The following NDUFAF6 variants were observed in gnomAD, a reference collection of about 807,000 sequenced individuals.
The protein encoded by NDUFAF6 is NADH:ubiquinone oxidoreductase complex assembly factor 6, also known as NADH dehydrogenase (ubiquinone) complex I, assembly factor 6.
NDUFAF6 carries 45 observed loss-of-function variants against 40.8 expected under a neutral mutation model. The ratio of observed to expected loss-of-function variants is 1.10; its 90% CI spans 0.87 to 1.42. The LOEUF (loss-of-function observed/expected upper bound fraction) is 1.42, where lower values mean the gene tolerates loss of function less well. Ranked by LOEUF, NDUFAF6 falls within the 40% of genes most tolerant of loss-of-function variation. The probability of loss-of-function intolerance (pLI) is 0.00; values close to 1 mark genes in which losing one functional copy is unlikely to be tolerated. For synonymous variants in NDUFAF6, 185 were observed against 155.9 expected (o/e 1.19, Z -1.39); for missense variants, 435 against 418.5 (o/e 1.04, Z -0.34).
At chr8:95,098,606 G>T (rs1809547779), upstream of NDUFAF6, among the ~76,000 whole-genome samples, 1 of 152,224 alleles carries the variant, frequency 6.6e-6, no homozygotes, top group Admixed American at 6.5e-5. Flanking sequence ...GGAGGCGGAG[G>T]TTGCAGTGAG....
downstream of NDUFAF6, among the ~76,000 whole-genome samples, chr8:95,118,451 C>T (rs2132094455): frequency 6.6e-6 from 1 of 152,258 alleles, no homozygotes; most frequent in Non-Finnish European, 1.5e-5. Flanking sequence ...CTGCACCTAA[C>T]TTACAGCTGA....
At chr8:95,102,972 A>G (rs1172348050) in intron 2 of NDUFAF6, 1 of 152,142 alleles carries the variant, frequency 6.6e-6, no homozygotes, top group African/African-American at 2.4e-5. Context: ...TTTTTTCTCT[A>G]CAGGCTCTAC....
intron 1 of NDUFAF6, among the ~76,000 whole-genome samples, chr8:94,962,080 A>G (rs1016738682): frequency 2.6e-5 from 4 of 152,142 alleles, no homozygotes; most frequent in African/African-American, 7.2e-5. Flanking sequence ...GTTCCGGCCA[A>G]TGAGATGTCA....
intron 2 of NDUFAF6, among the ~76,000 whole-genome samples, chr8:95,085,839 C>T (rs923117959): frequency 6.6e-6 from 1 of 152,214 alleles, no homozygotes; most frequent in African/African-American, 2.4e-5. Flanking sequence ...ATATCTGGTT[C>T]TGCAGGTTCT....
chr8:95,047,039 A>T lies in NDUFAF6; in HGVS notation c.626A>T (p.Lys209Ile). 1 of 1,614,194 alleles carries T rather than the reference A, an allele frequency of 6.2e-7. No individual in the cohort carries two copies. ...HADHAASHIG[K>I]AQGIVTCLRA... ...GATCATGCTGCAAGTCATATTGGAA[A>T]AGCACAAGGCATTGTCACTTGCTTG... Residue 209 changes from lysine (K) to isoleucine (I), a missense_variant, in exon 6 of 9, where the codon AAA becomes ATA. Coordinates refer to ENST00000396124, the MANE Select transcript of NDUFAF6 (RefSeq NM_152416.4).
At chr8:94,975,099 C>A (rs1824811867) in intron 1 of NDUFAF6, among the ~76,000 whole-genome samples, 1 of 152,196 alleles carries the variant, frequency 6.6e-6, no homozygotes, top group South Asian at 2.1e-4. Context: ...TGCCAGTTCC[C>A]ACTGTCTCAT....
rs768139210 is a variant in NDUFAF6, at chr8:94,925,395, T to C, written c.-935-20088T>C. On this transcript the variant is annotated intron_variant, in intron 1 of 14. Transcript: ENST00000396113. ...CTCCATTCATTTGGGAGAAGATCCA[T>C]TGGGAATTCATCCACCTGGCTTCAA... Among the ~76,000 whole-genome samples, 3 of 152,192 alleles carry C rather than the reference T, an allele frequency of 2.0e-5. 1 individual carries two copies. The highest frequency in any genetic ancestry group is 7.2e-5 in the African/African-American group (3 of 41,442).
chr8:94,974,827 G>C (rs754363944), intron 1 of NDUFAF6: 2 of 157,156 alleles, frequency 1.3e-5, no homozygotes, highest in Admixed American at 1.3e-4. Flanking sequence ...CCCTTTCCCC[G>C]TATGCAGGAA....
At chr8:94,962,534 TC>T (rs1457020197) in intron 1 of NDUFAF6, among the ~76,000 whole-genome samples, 2 of 152,138 alleles carry the variant, frequency 1.3e-5, no homozygotes, top group Non-Finnish European at 2.9e-5. Context: ...CTCAAGTAAT[TC>T]GACTGCCTTG....
chr8:94,954,058 A>T (rs572547), upstream of NDUFAF6, among the ~76,000 whole-genome samples: 4 of 151,758 alleles, frequency 2.6e-5, no homozygotes, highest in African/African-American at 9.7e-5. Context: ...TGCAAGATGA[A>T]TTTTTTTGTT....
chr8:95,020,936 T>A (rs1484057711), upstream of NDUFAF6, among the ~76,000 whole-genome samples: 2 of 152,122 alleles, frequency 1.3e-5, no homozygotes, highest in African/African-American at 4.8e-5. Flanking sequence ...GTTTGGGGGA[T>A]GAGTAGAGGT....
upstream of NDUFAF6, chr8:95,024,957 G>A: frequency 5.5e-6 from 7 of 1,281,502 alleles, no homozygotes; most frequent in Non-Finnish European, 6.9e-6. Flanking sequence ...CGTGGCCGGG[G>A]CGTAGCTGCG....
chr8:94,928,401 T>TG (rs1331848070), intron 1 of NDUFAF6: 1 of 152,352 alleles, frequency 6.6e-6, no homozygotes, highest in Admixed American at 6.5e-5. Context: ...GACATTAAGC[T>TG]GGTCTATTTT....
intron 1 of NDUFAF6, among the ~76,000 whole-genome samples, chr8:95,026,258 A>G (rs1452806597): frequency 1.3e-5 from 2 of 152,186 alleles, no homozygotes; most frequent in Non-Finnish European, 2.9e-5. Flanking sequence ...GTTTGAGCCC[A>G]GGTGTCTGAG....
At chr8:95,093,401 C>G (rs898935489) in intron 2 of NDUFAF6, among the ~76,000 whole-genome samples, 2 of 152,146 alleles carry the variant, frequency 1.3e-5, no homozygotes, top group Non-Finnish European at 2.9e-5. Context: ...GCCCCTTGAG[C>G]TAAATAATTA....
chr8:95,001,773 C>T (rs1826745525), intron 2 of NDUFAF6, among the ~76,000 whole-genome samples: 1 of 152,032 alleles, frequency 6.6e-6, no homozygotes, highest in African/African-American at 2.4e-5. Flanking sequence ...TGGATACAAT[C>T]ATGCATTGGA....
At chr8:95,087,421 A>G (rs1484541191) in intron 2 of NDUFAF6, among the ~76,000 whole-genome samples, 1 of 152,074 alleles carries the variant, frequency 6.6e-6, no homozygotes, top group Middle Eastern at 3.2e-3. Flanking sequence ...TTTCCTCCAA[A>G]GTTTCCTGGG....
At chr8:95,055,651 T>G (rs1214278243) in intron 8 of NDUFAF6, among the ~76,000 whole-genome samples, 1 of 152,208 alleles carries the variant, frequency 6.6e-6, no homozygotes, top group Non-Finnish European at 1.5e-5. Flanking sequence ...AGCATGAGCT[T>G]TCTTTGCAGA....
rs569746125 is a variant in NDUFAF6 at position 95,016,280 on chromosome 8, G to A, written c.-83-15715G>A. Among the ~76,000 whole-genome samples the A allele has an allele frequency of 6.6e-5, 10 of 152,302 alleles. No homozygotes were observed. In the South Asian group the frequency reaches 2.1e-3, roughly 32 times the overall value. The stretch of plus-strand genomic sequence containing the variant: ...TGTTTTGCAATCTTTTAACATTTCT[G>A]TTTTTATAACTGCATGGTATGAAAA... On this transcript the variant is annotated intron_variant, in intron 2 of 9. Coordinates refer to the NDUFAF6 transcript ENST00000396111.
Sources: allele counts gnomAD v4.1 joint callset (sites outside exome capture counted in the v4.1 genomes callset), GRCh38; gene constraint gnomAD v4.1.1; transcripts MANE v1.5; gene names NCBI Gene and HGNC (gene_info 2026-07-23, HGNC 2026-07-21).